ERBB4: variants seen among roughly 807,000 people sequenced by gnomAD.
ERBB4 encodes the protein erb-b2 receptor tyrosine kinase 4, also known as receptor tyrosine-protein kinase erbB-4.
In ERBB4, 42 loss-of-function variants were observed where a neutral mutation model predicts 158.0. The observed-to-expected ratio is 0.27, with a 90% confidence interval of 0.21 to 0.34. ERBB4 has a LOEUF of 0.34. Among genes scored for constraint, ERBB4 ranks in the 10% least tolerant of loss-of-function variants. The probability of loss-of-function intolerance (pLI) is 1.00; values close to 1 mark genes in which losing one functional copy is unlikely to be tolerated. For missense variants in ERBB4, 1,333 were observed against 1,624.1 expected, an observed-to-expected ratio of 0.82 and a Z score of 3.08; for synonymous variants, 583 against 558.7, an observed-to-expected ratio of 1.04 and a Z score of -0.61.
intron 25 of ERBB4, among the ~76,000 whole-genome samples, chr2:211,397,382 ATTTTC>A (rs2062942537): frequency 2.6e-5 from 4 of 152,176 alleles, no homozygotes; most frequent in Non-Finnish European, 4.4e-5. Context: ...GGCCATAATA[ATTTTC>A]TTTTAATTTC....
Position 212,441,171 on chromosome 2 carries a change from A to G in ERBB4, c.82+97278T>C, listed in dbSNP as rs961208931. 2.6e-5 allele frequency among the ~76,000 whole-genome samples: 4 copies of G among 151,984 alleles called. No homozygotes were observed. In the South Asian group the frequency reaches 8.3e-4, roughly 32 times the overall value. ...GGAGGATTCTGATGAAGCTGGGGAT[A>G]CTGAGTTTGTAAACTCTGATGAACC... On this transcript the variant is annotated intron_variant, in intron 1 of 27. Transcript: ENST00000342788.
intron 2 of ERBB4, among the ~76,000 whole-genome samples, chr2:212,048,517 G>A (rs1002900723): frequency 6.6e-6 from 1 of 152,140 alleles, no homozygotes; most frequent in Non-Finnish European, 1.5e-5. Flanking sequence ...GTGGAAAAGA[G>A]AAAAAGGAAA....
At chr2:211,847,878 T>A (rs2077628094) in intron 3 of ERBB4, among the ~76,000 whole-genome samples, 2 of 152,134 alleles carry the variant, frequency 1.3e-5, no homozygotes, top group African/African-American at 4.8e-5. Flanking sequence ...CAATTTCTCA[T>A]CTAGGCCGTT....
At chr2:211,727,550 T>C (rs2074305630) in intron 5 of ERBB4, among the ~76,000 whole-genome samples, 1 of 151,950 alleles carries the variant, frequency 6.6e-6, no homozygotes, top group Non-Finnish European at 1.5e-5. Context: ...ATCAGAGAGA[T>C]AAAAAGGTGT....
chr2:212,201,631 A>G (rs1409932166), intron 1 of ERBB4, among the ~76,000 whole-genome samples: 1 of 152,204 alleles, frequency 6.6e-6, no homozygotes, highest in Non-Finnish European at 1.5e-5. Context: ...CATTGGAATT[A>G]CTGAAGCATG....
intron 3 of ERBB4, among the ~76,000 whole-genome samples, chr2:211,811,625 A>C (rs1044560258): frequency 6.6e-6 from 1 of 151,668 alleles, no homozygotes; most frequent in African/African-American, 2.4e-5. Flanking sequence ...ACTTGGTTCC[A>C]TTCTCCCCAT....
chr2:212,124,816 TCA>T lies in ERBB4; in HGVS notation c.168_169del (p.Cys56Ter), dbSNP rs1334167791. 1.2e-6 allele frequency: 2 copies of T among 1,614,066 alleles called. No individual in the cohort carries two copies. The highest frequency in any genetic ancestry group is 1.7e-6 in the Non-Finnish European group (2 of 1,180,020). On this transcript the variant is annotated stop_gained and frameshift_variant, in exon 2 of 28. Transcript: ENST00000342788. LOFTEE classifies it high-confidence loss of function. ...TATCTCCAGGTTGCCCATGACAACC[TCA>T]CAGTTTTCATAGTACTTGCGCAAGG...
At chr2:211,578,031 T>G (rs754395756) in intron 19 of ERBB4, among the ~76,000 whole-genome samples, 1 of 151,126 alleles carries the variant, frequency 6.6e-6, no homozygotes, top group Non-Finnish European at 1.5e-5. Context: ...CTGTAGATAA[T>G]ATGATCCCAC....
chr2:211,911,525 C>T (rs1181738809), intron 3 of ERBB4, among the ~76,000 whole-genome samples: 1 of 151,940 alleles, frequency 6.6e-6, no homozygotes, highest in Non-Finnish European at 1.5e-5. Flanking sequence ...CTCTGCCTCT[C>T]AAAATATTAG....
rs760833280 is a variant in ERBB4, at chr2:211,751,575, GCTT to G, written c.557-874_557-872del. 9.9e-4 allele frequency among the ~76,000 whole-genome samples: 151 copies of G among 152,200 alleles called. 1 individual carries two copies. In the Middle Eastern group the frequency reaches 0.014, roughly 14 times the overall value. ...TGTTTTCTATGACATTTCCTTAAAT[GCTT>G]CTTATTAAACATTGTCAATTGTTTA... On this transcript the variant is annotated intron_variant, in intron 4 of 27. Coordinates refer to ENST00000342788, the MANE Select transcript of ERBB4 (RefSeq NM_005235.3).
chr2:212,449,249 A>G (rs1235204319), intron 1 of ERBB4, among the ~76,000 whole-genome samples: 1 of 152,152 alleles, frequency 6.6e-6, no homozygotes, highest in Non-Finnish European at 1.5e-5. Context: ...CCAGTTTGTT[A>G]TAAAATCAAA....
At chr2:212,346,103 T>C (rs1174123808) in intron 1 of ERBB4, among the ~76,000 whole-genome samples, 1 of 152,162 alleles carries the variant, frequency 6.6e-6, no homozygotes, top group Non-Finnish European at 1.5e-5. Flanking sequence ...ACTTCCATTT[T>C]AGAAACACAC....
intron 2 of ERBB4, among the ~76,000 whole-genome samples, chr2:212,040,737 C>A (rs2077121963): frequency 6.6e-6 from 1 of 152,000 alleles, no homozygotes; most frequent in Non-Finnish European, 1.5e-5. Flanking sequence ...CTGATTTTGG[C>A]CTTCAGGCTG....
chr2:212,479,914 A>G (rs1689601016), intron 1 of ERBB4, among the ~76,000 whole-genome samples: 1 of 152,162 alleles, frequency 6.6e-6, no homozygotes, highest in Admixed American at 6.6e-5. Context: ...GGCCTCACAA[A>G]GAAAATCTCC....
chr2:211,456,234 G>C (rs1321940378), intron 20 of ERBB4, among the ~76,000 whole-genome samples: 1 of 152,062 alleles, frequency 6.6e-6, no homozygotes, highest in East Asian at 1.9e-4. Flanking sequence ...AGTATATAAG[G>C]CATTCTGTAA....
intron 21 of ERBB4, among the ~76,000 whole-genome samples, chr2:211,430,303 C>G (rs1211924453): frequency 1.3e-5 from 2 of 151,956 alleles, no homozygotes; most frequent in Non-Finnish European, 2.9e-5. Flanking sequence ...AGAGGGACCT[C>G]CATATGAAGT....
intron 20 of ERBB4, among the ~76,000 whole-genome samples, chr2:211,520,819 T>A (rs1404309097): frequency 6.6e-6 from 1 of 152,144 alleles, no homozygotes; most frequent in African/African-American, 2.4e-5. Context: ...TTGTAATATT[T>A]TAAACTTTGT....
In ERBB4 at chr2:212,171,736, C is replaced by T. The variant is rs1055438478; in HGVS notation, c.83-46833G>A. Among the ~76,000 whole-genome samples the T allele has an allele frequency of 9.2e-5, 14 of 152,236 alleles. No individual in the cohort carries two copies. In the East Asian group the frequency reaches 1.9e-3, roughly 21 times the overall value. On this transcript the variant is annotated intron_variant, in intron 1 of 27. Transcript: ENST00000342788. ...CTCTTGCCTGCTGCCACGTAAGACA[C>T]GCCTCTTCGCCTTCCACCATGATTG... is the stretch of plus-strand genomic sequence containing the variant.
intron 1 of ERBB4, among the ~76,000 whole-genome samples, chr2:212,204,969 C>T (rs928754267): frequency 6.6e-6 from 1 of 151,626 alleles, no homozygotes; most frequent in African/African-American, 2.4e-5. Flanking sequence ...CAGGTATGCA[C>T]CACCACGCCC....
Sources: allele counts gnomAD v4.1 joint callset (sites outside exome capture counted in the v4.1 genomes callset), GRCh38; gene constraint gnomAD v4.1.1; transcripts MANE v1.5; gene names NCBI Gene and HGNC (gene_info 2026-07-23, HGNC 2026-07-21).